CHN2: variants seen among roughly 807,000 people sequenced by gnomAD.
CHN2 encodes beta-chimaerin.
In CHN2, 35 loss-of-function variants were observed where a neutral mutation model predicts 56.3. The ratio of observed to expected loss-of-function variants is 0.62; its 90% CI spans 0.47 to 0.82. CHN2 has a LOEUF of 0.82. Among genes scored for constraint, CHN2 ranks in the 40% least tolerant of loss-of-function variants. The pLI is 0.00. For missense variants in CHN2, 491 were observed against 580.5 expected, an observed-to-expected ratio of 0.85 and a Z score of 1.58; for synonymous variants, 210 against 212.8, an observed-to-expected ratio of 0.99 and a Z score of 0.12.
chr7:29,420,939 A>G (rs1399078394), intron 6 of CHN2, among the ~76,000 whole-genome samples: 6 of 151,920 alleles, frequency 3.9e-5, no homozygotes, highest in Middle Eastern at 3.4e-3. Context: ...CCTCCTGAGT[A>G]GTTAGGATTA....
At chr7:29,175,692 T>C (rs887000972) in intron 2 of CHN2, among the ~76,000 whole-genome samples, 2 of 152,002 alleles carry the variant, frequency 1.3e-5, no homozygotes, top group Non-Finnish European at 2.9e-5. Flanking sequence ...GATAAATTGA[T>C]TGATAGCCAA....
At chr7:29,502,978 T>C (rs1790140620) in intron 9 of CHN2, among the ~76,000 whole-genome samples, 1 of 152,106 alleles carries the variant, frequency 6.6e-6, no homozygotes, top group Non-Finnish European at 1.5e-5. Context: ...CAACTCCCAC[T>C]TATGAGTGAG....
chr7:29,425,905 A>T lies in CHN2; in HGVS notation c.576+25077A>T, dbSNP rs537408052. The stretch of plus-strand genomic sequence containing the variant: ...ATTTAACTCTTGGGACTTATCCAGA[A>T]CTTCTTTTTAAGAGTGGACTGTGGG... On this transcript the variant is annotated intron_variant, in intron 6 of 12. Coordinates refer to ENST00000222792, the MANE Select transcript of CHN2 (RefSeq NM_004067.4). Among the ~76,000 whole-genome samples, 13 of 152,238 alleles carry T rather than the reference A, an allele frequency of 8.5e-5. No individual in the cohort carries two copies. In the East Asian group the frequency reaches 2.5e-3, roughly 29 times the overall value.
intron 6 of CHN2, among the ~76,000 whole-genome samples, chr7:29,459,509 G>A (rs765977732): frequency 5.3e-5 from 8 of 152,118 alleles, no homozygotes; most frequent in Non-Finnish European, 1.2e-4. Flanking sequence ...TAAAACCTCC[G>A]TGGGTCAGGT....
intron 1 of CHN2, among the ~76,000 whole-genome samples, chr7:29,269,072 A>G (rs1008628215): frequency 2.0e-5 from 3 of 152,204 alleles, no homozygotes; most frequent in Admixed American, 6.5e-5. Context: ...GAATATTTCA[A>G]TTCCACTCTT....
rs758187640 is a variant in CHN2, at chr7:29,398,399, A to G, written c.203A>G (p.Gln68Arg). The change falls in exon 5 of 13, where the codon CAG becomes CGG. Residue 68 changes from glutamine (Q) to arginine (R), a missense_variant. By Grantham distance (43) the Gln-to-Arg change is conservative (BLOSUM62 1). Transcript: ENST00000222792. The part of the protein sequence containing the change: ...REFHGIISRE[Q>R]ADELLGGVEG... ...TTTCATGGGATCATCTCTCGGGAGC[A>G]GGCGGATGAGCTTCTTGGAGGCGTG... The G allele has an allele frequency of 4.3e-6, 7 of 1,613,428 alleles. No homozygotes were observed. The South Asian group carries it at 5.5e-5, about 13-fold the overall frequency.
chr7:29,432,224 C>T (rs1018806334), intron 6 of CHN2, among the ~76,000 whole-genome samples: 6 of 152,204 alleles, frequency 3.9e-5, no homozygotes, highest in African/African-American at 1.4e-4. Flanking sequence ...TGTGAAATTC[C>T]GTAGCTATTC....
intron 6 of CHN2, among the ~76,000 whole-genome samples, chr7:29,430,682 C>G (rs1424012903): frequency 6.6e-6 from 1 of 151,502 alleles, no homozygotes; most frequent in East Asian, 1.9e-4. Context: ...AGATGAGACA[C>G]CTTTAGGCCA....
At chr7:29,330,151 T>G (rs938935633) in intron 1 of CHN2, among the ~76,000 whole-genome samples, 1 of 152,252 alleles carries the variant, frequency 6.6e-6, no homozygotes, top group African/African-American at 2.4e-5. Flanking sequence ...CCATTTCTTA[T>G]TGAAATAATG....
chr7:29,380,134 C>T (rs1415152644), intron 3 of CHN2, among the ~76,000 whole-genome samples: 1 of 152,168 alleles, frequency 6.6e-6, no homozygotes, highest in Non-Finnish European at 1.5e-5. Flanking sequence ...ACTGCAGCTT[C>T]CTTGTCTATA....
At chr7:29,301,332 C>T (rs900939262) in intron 1 of CHN2, among the ~76,000 whole-genome samples, 1 of 139,030 alleles carries the variant, frequency 7.2e-6, no homozygotes, top group African/African-American at 2.7e-5. Context: ...AAAGCAGGGC[C>T]TCAAACAGGT....
chr7:29,217,438 C>T (rs1330966543), intron 1 of CHN2, among the ~76,000 whole-genome samples: 1 of 152,092 alleles, frequency 6.6e-6, no homozygotes, highest in African/African-American at 2.4e-5. Flanking sequence ...TCATGACCTG[C>T]GTTAAAATGT....
Position 29,150,975 on chromosome 7 carries a change from T to C in CHN2, c.274+4015T>C, listed in dbSNP as rs370907940. ...AAAAAAGGGAGGGGTGGGTGGTAGA[T>C]CCAGCTGAAGAAAGTCTACAGCTGT... is the stretch of plus-strand genomic sequence containing the variant. On this transcript the variant is annotated intron_variant, in intron 2 of 6. Transcript: ENST00000439384. Among the ~76,000 whole-genome samples the C allele has an allele frequency of 5.9e-4, 90 of 152,330 alleles. 2 individuals are homozygous for C. The highest frequency in any genetic ancestry group is 2.1e-3 in the African/African-American group (88 of 41,582).
At chr7:29,212,610 C>T (rs1785040015) in intron 1 of CHN2, 1 of 1,406,402 alleles carries the variant, frequency 7.1e-7, no homozygotes, top group South Asian at 1.2e-5. Flanking sequence ...GTGTTTTCTT[C>T]CACCCAGCTG....
intron 3 of CHN2, among the ~76,000 whole-genome samples, chr7:29,391,229 T>C (rs1203528454): frequency 6.6e-6 from 1 of 151,982 alleles, no homozygotes; most frequent in Non-Finnish European, 1.5e-5. Flanking sequence ...CTCTCTTACT[T>C]CTGTCTTTCC....
Position 29,494,882 on chromosome 7 carries a change from G to A in CHN2, c.655-1070G>A, listed in dbSNP as rs561213994. Among the ~76,000 whole-genome samples the A allele has an allele frequency of 6.4e-4, 87 of 136,620 alleles. 1 individual carries two copies. Among genetic ancestry groups the A allele is most frequent in the South Asian group, 3.1e-3 (13 of 4,158 alleles). The allele number at this position is 136,620 out of a possible 152,430, so 89.6% of individuals were successfully genotyped here. On this transcript the variant is annotated intron_variant, in intron 7 of 12. Coordinates refer to ENST00000222792, the MANE Select transcript of CHN2 (RefSeq NM_004067.4). ...GCTCTTTTTTTCTTAAGCAGAACTC[G>A]GATGAACACCTTTCCAAATTGTGAC...
intron 1 of CHN2, among the ~76,000 whole-genome samples, chr7:29,350,201 A>G (rs1797775151): frequency 6.6e-6 from 1 of 152,180 alleles, no homozygotes; most frequent in South Asian, 2.1e-4. Context: ...AACTTGTTTT[A>G]TGACCTTGAG....
At chr7:29,311,114 T>G (rs1794570493) in intron 1 of CHN2, among the ~76,000 whole-genome samples, 2 of 152,192 alleles carry the variant, frequency 1.3e-5, no homozygotes, top group Admixed American at 1.3e-4. Context: ...CCTTGTAGAT[T>G]CATTGTAGAT....
chr7:29,184,200 A>AT (rs1337166522), intron 2 of CHN2, among the ~76,000 whole-genome samples: 1 of 134,506 alleles, frequency 7.4e-6, no homozygotes, highest in East Asian at 2.2e-4. Flanking sequence ...TAGATAGATA[A>AT]AAGAGATATT....
Sources: gnomAD v4.1 joint callset for allele counts (sites outside exome capture counted in the v4.1 genomes callset) on GRCh38, gnomAD v4.1.1 for gene constraint, MANE v1.5 for transcripts, NCBI Gene and HGNC (gene_info 2026-07-23, HGNC 2026-07-21) for gene names.